The following PRDM1 variants were observed in gnomAD, a reference collection of about 807,000 sequenced individuals.
The protein encoded by PRDM1 is PR domain zinc finger protein 1.
PRDM1 carries 13 observed loss-of-function variants against 62.8 expected under a neutral mutation model. The ratio of observed to expected loss-of-function variants is 0.21; its 90% CI spans 0.13 to 0.33. The LOEUF is 0.33. Ranked by LOEUF, PRDM1 falls within the 10% of genes least tolerant of loss-of-function variation. PRDM1 has a pLI of 1.00. For missense variants in PRDM1, 895 were observed against 1,058.8 expected, an observed-to-expected ratio of 0.85 and a Z score of 2.15; for synonymous variants, 396 against 417.6, an observed-to-expected ratio of 0.95 and a Z score of 0.63.
In PRDM1 at chr6:106,105,328, C is replaced by A; in HGVS notation, c.1168C>A (p.Pro390Thr). The A allele has an allele frequency of 6.2e-7, 1 of 1,612,888 alleles. No individual in the cohort carries two copies. The highest frequency in any genetic ancestry group is 2.2e-5 in the East Asian group (1 of 44,850). The part of the protein sequence containing the change: ...SYGTEGLGSY[P>T]GYAPLPHLPP... ...CGGCACGGAAGGTTTGGGCTCCTAC[C>A]CTGGCTACGCACCCCTGCCCCACCT... The change falls in exon 5 of 7, where the codon CCT (proline) becomes ACT (threonine). Residue 390 changes from proline (P) to threonine (T), a missense_variant. Pro to Thr is a conservative substitution (Grantham distance 38). This residue lies in a region of PRDM1 where 444 missense variants were observed against 422.7 expected (regional missense o/e 1.05). Transcript: ENST00000369096.
intron 1 of PRDM1, among the ~76,000 whole-genome samples, chr6:106,007,676 T>C (rs1772499301): frequency 6.6e-6 from 1 of 152,246 alleles, no homozygotes; most frequent in South Asian, 2.1e-4. Context: ...TATTTGGACT[T>C]TGCTCTCCTT....
rs761010921 is a variant in PRDM1, at chr6:106,107,369, A to G, written c.2361A>G (p.Ser787=). ...ACATGGGGAATGGACTCCTCTCCTC[A>G]GGGTGCAGCCTTTATGAGTCATCAG... The part of the protein sequence containing the change: ...QRNMGNGLLS[S]GCSLYESSDL... The change falls in exon 7 of 7, where the codon TCA becomes TCG. Residue 787 remains serine, a synonymous_variant. Transcript: ENST00000369096. The G allele has an allele frequency of 1.9e-6, 3 of 1,613,936 alleles. No homozygotes were observed. In the African/African-American group the frequency reaches 4.0e-5, roughly 22 times the overall value.
Position 106,106,626 on chromosome 6 carries a change from A to C in PRDM1, c.1902+127A>C. ...TTCTGCGTTGTCCCATCCTGGACTGATGGCACTATGGTCCTTCCCAGTACT... is the reference window on the plus strand; with the variant it reads ...TTCTGCGTTGTCCCATCCTGGACTGCTGGCACTATGGTCCTTCCCAGTACT... On this transcript the variant is annotated intron_variant, in intron 6 of 6. Transcript: ENST00000369096. The surrounding 1 kb of genome is among the most constrained non-coding windows in gnomAD (Gnocchi z 4.4). The C allele has an allele frequency of 7.6e-7, 1 of 1,308,528 alleles. No homozygotes were observed. The highest frequency in any genetic ancestry group is 1.0e-6 in the Non-Finnish European group (1 of 956,512). The allele number at this position is 1,308,528 out of a possible 1,614,324, so 81.1% of individuals were successfully genotyped here.
Position 106,030,720 on chromosome 6 carries a change from G to A in PRDM1, c.-67+37081G>A, listed in dbSNP as rs568098277. Among the ~76,000 whole-genome samples the A allele has an allele frequency of 4.1e-4, 63 of 152,066 alleles. 1 individual carries two copies. The highest frequency in any genetic ancestry group is 2.9e-3 in the Admixed American group (44 of 15,272). On this transcript the variant is annotated intron_variant, in intron 1 of 6. Coordinates refer to the PRDM1 transcript ENST00000652320. ...GATAATCTATATGTATGGTGATAAGGGTCAATTTTTATTTTTTTTGCCATG... is the reference window on the plus strand; with the variant it reads ...GATAATCTATATGTATGGTGATAAGAGTCAATTTTTATTTTTTTTGCCATG...
chr6:106,048,421 G>C (rs1328189072), upstream of PRDM1, among the ~76,000 whole-genome samples: 1 of 152,056 alleles, frequency 6.6e-6, no homozygotes, highest in Non-Finnish European at 1.5e-5. Context: ...AAAGCAATAT[G>C]AGTGTGTAGT....
rs560555526 is a variant in PRDM1 at position 106,086,757 on chromosome 6, T to C, written c.42+162T>C. 2.8e-4 allele frequency among the ~76,000 whole-genome samples: 42 copies of C among 152,340 alleles called. 2 individuals carry two copies. The highest frequency in any genetic ancestry group is 1.0e-3 in the African/African-American group (42 of 41,578). The stretch of plus-strand genomic sequence containing the variant: ...GTGCTGTCAAACATTTGTGAGACTT[T>C]CCTTATGAATCATTAACCCTTTCAG... On this transcript the variant is annotated intron_variant, in intron 1 of 6. Transcript: ENST00000369096.
At position 106,098,483 on chromosome 6, in the gene PRDM1, T is replaced by A. The variant is rs890927963; in HGVS notation, c.412-817T>A. ...AAGGAACAACATACTTTCTTCCTGTTCTTTTTCCAAAAACACACGCCTATG... is the reference window on the plus strand; with the variant it reads ...AAGGAACAACATACTTTCTTCCTGTACTTTTTCCAAAAACACACGCCTATG... On this transcript the variant is annotated intron_variant, in intron 3 of 6. Coordinates refer to ENST00000369096, the MANE Select transcript of PRDM1 (RefSeq NM_001198.4). 4.2e-6 allele frequency: 5 copies of A among 1,190,802 alleles called. No individual in the cohort carries two copies. The Admixed American group carries it at 1.5e-4, about 35-fold the overall frequency. The allele number at this position is 1,190,802 out of a possible 1,614,324, so 73.8% of individuals were successfully genotyped here.
At position 106,041,059 on chromosome 6, in the gene PRDM1, G is replaced by A. The variant is rs566367950; in HGVS notation, c.-66-47142G>A. On this transcript the variant is annotated intron_variant, in intron 1 of 6. Coordinates refer to the PRDM1 transcript ENST00000652320. ...AGGTAATAGTAACACAGTTTCTGAA[G>A]GTGGACCGCTTGGATTGGAATCCTA... Among the ~76,000 whole-genome samples, 15 of 152,244 alleles carry A rather than the reference G, an allele frequency of 9.9e-5. No individual in the cohort carries two copies. The South Asian group carries it at 3.1e-3, about 32-fold the overall frequency.
At chr6:106,048,566 C>T (rs1429282302) in exon 1 of PRDM1, among the ~76,000 whole-genome samples, 1 of 152,088 alleles carries the variant, frequency 6.6e-6, no homozygotes, top group Admixed American at 6.6e-5. Flanking sequence ...TACAATTTCA[C>T]AATTTTATGA....
At chr6:106,067,546 G>T (rs1411629308) in intron 1 of PRDM1, among the ~76,000 whole-genome samples, 1 of 152,152 alleles carries the variant, frequency 6.6e-6, no homozygotes, top group Non-Finnish European at 1.5e-5. Context: ...GACATAAAAA[G>T]GACTGAAGTG....
intron 4 of PRDM1, among the ~76,000 whole-genome samples, chr6:106,103,471 T>C (rs1774335546): frequency 6.6e-6 from 1 of 152,190 alleles, no homozygotes; most frequent in Admixed American, 6.5e-5. Flanking sequence ...TCTCCACACA[T>C]TGACAGCCAA....
chr6:105,996,471 A>G (rs1331741858), intron 1 of PRDM1, among the ~76,000 whole-genome samples: 1 of 152,166 alleles, frequency 6.6e-6, no homozygotes, highest in East Asian at 1.9e-4. Context: ...GGTGTGTTGA[A>G]GATTTGAAGA....
At chr6:106,002,125 A>AT (rs371655465) in intron 1 of PRDM1, among the ~76,000 whole-genome samples, 4 of 151,736 alleles carry the variant, frequency 2.6e-5, no homozygotes, top group African/African-American at 7.3e-5. Context: ...AAAAAATGAG[A>AT]TTTTTTGTTT....
At chr6:106,067,731 G>A (rs1582448109) in intron 1 of PRDM1, among the ~76,000 whole-genome samples, 1 of 152,286 alleles carries the variant, frequency 6.6e-6, no homozygotes, top group East Asian at 1.9e-4. Flanking sequence ...GAGGAATGGG[G>A]AGTTATTGCT....
At chr6:106,091,994 CAGAT>C (rs1049701250) in intron 2 of PRDM1, among the ~76,000 whole-genome samples, 11 of 151,992 alleles carry the variant, frequency 7.2e-5, no homozygotes, top group African/African-American at 1.9e-4. Context: ...GGAGGGAAAA[CAGAT>C]AGCTAGTAAT....
At chr6:105,998,896 T>C in intron 1 of PRDM1, among the ~76,000 whole-genome samples, 1 of 3,916 alleles carries the variant, frequency 2.6e-4, no homozygotes, top group African/African-American at 2.3e-3. Flanking sequence ...AATACATATA[T>C]ATATATATAT....
At chr6:106,066,635 A>C (rs1773438273) in intron 1 of PRDM1, among the ~76,000 whole-genome samples, 1 of 152,234 alleles carries the variant, frequency 6.6e-6, no homozygotes, top group African/African-American at 2.4e-5. Context: ...TAATTATAAA[A>C]GTAATATTCA....
chr6:106,025,031 T>C (rs957615136), intron 1 of PRDM1, among the ~76,000 whole-genome samples: 1 of 151,718 alleles, frequency 6.6e-6, no homozygotes, highest in South Asian at 2.1e-4. Context: ...ACTTCTTTGA[T>C]CTCGTTAAGA....
intron 1 of PRDM1, among the ~76,000 whole-genome samples, chr6:106,005,048 C>T (rs1171442777): frequency 6.6e-6 from 1 of 152,206 alleles, no homozygotes; most frequent in East Asian, 1.9e-4. Flanking sequence ...CCAGTTCTTT[C>T]ACACAGTTAA....
Sources: allele counts gnomAD v4.1 joint callset (sites outside exome capture counted in the v4.1 genomes callset), GRCh38; gene constraint gnomAD v4.1.1; regional missense constraint gnomAD v4.1.1; non-coding constraint Gnocchi (gnomAD v3.1); transcripts MANE v1.5; gene names NCBI Gene and HGNC (gene_info 2026-07-23, HGNC 2026-07-21).